The following KEAP1 variants were observed in gnomAD, a reference collection of about 807,000 sequenced individuals.
KEAP1 encodes the protein kelch like ECH associated protein 1, also known as kelch-like ECH-associated protein 1.
KEAP1 carries 26 observed loss-of-function variants against 59.7 expected under a neutral mutation model. The ratio of observed to expected loss-of-function variants is 0.44; its 90% CI spans 0.32 to 0.60. KEAP1 has a LOEUF of 0.60. Ranked by LOEUF, KEAP1 falls within the 20% of genes least tolerant of loss-of-function variation. The probability of loss-of-function intolerance (pLI) is 0.06; values close to 1 mark genes in which losing one functional copy is unlikely to be tolerated. For missense variants in KEAP1, 539 were observed against 871.4 expected (o/e 0.62, Z 4.80); for synonymous variants, 350 against 358.3 (o/e 0.98, Z 0.26).
chr19:10,489,919 G>A, intron 3 of KEAP1, 66 bp from the exon 4 acceptor site: 3 of 1,425,886 alleles, frequency 2.1e-6, no homozygotes, highest in Non-Finnish European at 2.9e-6. Context: ...ATACTTAAGG[G>A]CCAGATACTC....
At chr19:10,489,486 G>A in intron 4 of KEAP1, 118 bp from the exon 5 acceptor site, 1 of 1,267,338 alleles carries the variant, frequency 7.9e-7, no homozygotes, top group Non-Finnish European at 1.1e-6. Flanking sequence ...CAGAAATGAA[G>A]CGGGGAGAGA....
At chr19:10,498,839 A>ATT (rs35169125) in intron 2 of KEAP1, among the ~76,000 whole-genome samples, 48 of 145,502 alleles carry the variant, frequency 3.3e-4, no homozygotes, top group East Asian at 2.4e-3. Context: ...TTGTTTTTTA[A>ATT]TTTTTTTTTT....
intron 2 of KEAP1, among the ~76,000 whole-genome samples, chr19:10,493,192 T>C (rs1316931125): frequency 3.3e-5 from 5 of 150,082 alleles, no homozygotes; most frequent in Middle Eastern, 3.4e-3. Context: ...ACAGTCTTGC[T>C]CTGTCGCCCA....
At position 10,491,644 on chromosome 19, in the gene KEAP1, C is replaced by G. The variant is rs1199464053; in HGVS notation, c.1258G>C (p.Val420Leu). 3.8e-6 allele frequency: 6 copies of G among 1,594,038 alleles called. No individual in the cohort carries two copies. The Admixed American group carries it at 1.1e-4, about 28-fold the overall frequency. ...SVPRNRIGVG[V>L]IDGHIYAVGG... ...ACGGCATAGATGTGGCCATCGATGA[C>G]CCCCACCCCGATGCGGTTACGGGGC... Residue 420 changes from valine (V) to leucine (L), a missense_variant, in exon 3 of 6, where the codon GTC becomes CTC. Coordinates refer to ENST00000171111, the MANE Select transcript of KEAP1 (RefSeq NM_203500.2). This position sits in a 1 kb window ranked among gnomAD's most constrained non-coding sequence, Gnocchi z 5.2.
At chr19:10,488,600 G>C (rs1914551239) in intron 5 of KEAP1, among the ~76,000 whole-genome samples, 1 of 140,768 alleles carries the variant, frequency 7.1e-6, no homozygotes, top group Admixed American at 7.3e-5. Context: ...AACAGACTGA[G>C]ACTCTGTCTC....
chr19:10,499,897 T>C lies in KEAP1; in HGVS notation c.137A>G (p.Gln46Arg), dbSNP rs1458274178. The change falls in exon 2 of 6, where the codon CAG (glutamine) becomes CGG (arginine). Residue 46 changes from glutamine (Q) to arginine (R), a missense_variant. Coordinates refer to ENST00000171111, the MANE Select transcript of KEAP1 (RefSeq NM_203500.2). This position sits in a 1 kb window ranked among gnomAD's most constrained non-coding sequence, Gnocchi z 6.7. ...GTAGCTGAAGGTGCGGTTGCCATGC[T>C]GGGAGGGCGTCACCTCCGCCTTGCA... ...TECKAEVTPSQHGNRTFSYTL... is the reference protein window; with the variant it reads ...TECKAEVTPSRHGNRTFSYTL... 1 of 1,613,376 alleles carries C rather than the reference T, an allele frequency of 6.2e-7. No individual in the cohort carries two copies. The highest frequency in any genetic ancestry group is 2.2e-5 in the East Asian group (1 of 44,866).
At chr19:10,490,025 G>A (rs920016894) in intron 3 of KEAP1, among the ~76,000 whole-genome samples, 172 bp from the exon 4 acceptor site, 28 of 152,024 alleles carry the variant, frequency 1.8e-4, no homozygotes, top group African/African-American at 6.5e-4. Context: ...GCCGAGGAGG[G>A]CGGATCACCT....
At position 10,492,281 on chromosome 19, in the gene KEAP1, G is replaced by A. The variant is rs139922175; in HGVS notation, c.640-19C>T. The A allele has an allele frequency of 4.0e-4, 633 of 1,593,006 alleles. 4 individuals carry two copies. The African/African-American group carries it at 7.8e-3, about 20-fold the overall frequency. Reference sequence around the variant, plus strand: ...TGGCCACCTGCAGAGGGCGACAGTGGGACGGGCTGACTCTCCAGTCACCCC... The same window carrying A: ...TGGCCACCTGCAGAGGGCGACAGTGAGACGGGCTGACTCTCCAGTCACCCC... On this transcript the variant is annotated intron_variant, in intron 2 of 5. Transcript: ENST00000171111.
chr19:10,488,608 C>T, intron 5 of KEAP1, among the ~76,000 whole-genome samples: 1 of 135,946 alleles, frequency 7.4e-6, no homozygotes. Context: ...GAGACTCTGT[C>T]TCAAAAAACA....
intron 2 of KEAP1, among the ~76,000 whole-genome samples, chr19:10,493,828 TG>T (rs1914762128): frequency 6.6e-6 from 1 of 152,076 alleles, no homozygotes; most frequent in South Asian, 2.1e-4. Flanking sequence ...CCCAAAGTGC[TG>T]GGATTACAAG....
intron 2 of KEAP1, among the ~76,000 whole-genome samples, chr19:10,495,260 C>T (rs1254850442): frequency 6.6e-6 from 1 of 152,110 alleles, no homozygotes; most frequent in Non-Finnish European, 1.5e-5. Flanking sequence ...GATTCTCCTG[C>T]CTCAGCCTCC....
rs754034587 is a variant in KEAP1, at chr19:10,491,275, C to T, written c.1325+302G>A. Reference sequence around the variant, plus strand: ...TCCTCCCACCTCAGCCTCCCAAAGTCCCTGATTATAGGTATGGGCCACAGT... The same window carrying T: ...TCCTCCCACCTCAGCCTCCCAAAGTTCCTGATTATAGGTATGGGCCACAGT... On this transcript the variant is annotated intron_variant, in intron 3 of 5. Coordinates refer to ENST00000171111, the MANE Select transcript of KEAP1 (RefSeq NM_203500.2). This position sits in a 1 kb window ranked among gnomAD's most constrained non-coding sequence, Gnocchi z 5.2. 1.4e-4 allele frequency among the ~76,000 whole-genome samples: 22 copies of T among 152,090 alleles called. No homozygotes were observed. Among genetic ancestry groups the T allele is most frequent in the Non-Finnish European group, 2.1e-4 (14 of 68,018 alleles).
rs530101257 is a variant in KEAP1 at position 10,489,532 on chromosome 19, G to A, written c.1531+116C>T. ...GACTCTATCAGAATCCAGGGCTTCTGTGGTTACCCCAGCATGAGGGTTGCA... is the reference window on the plus strand; with the variant it reads ...GACTCTATCAGAATCCAGGGCTTCTATGGTTACCCCAGCATGAGGGTTGCA... On this transcript the variant is annotated intron_variant, in intron 4 of 5. Transcript: ENST00000171111. 1.1e-5 allele frequency: 15 copies of A among 1,316,134 alleles called. No homozygotes were observed. In the South Asian group the frequency reaches 2.0e-4, roughly 18 times the overall value. The allele number at this position is 1,316,134 out of a possible 1,614,324, so 81.5% of individuals were successfully genotyped here.
At chr19:10,487,223 G>A (rs551974273) in intron 5 of KEAP1, among the ~76,000 whole-genome samples, 1 of 152,140 alleles carries the variant, frequency 6.6e-6, no homozygotes, top group East Asian at 1.9e-4. Flanking sequence ...GTGCGCGCCT[G>A]TAGTCCTAGC....
In KEAP1 at chr19:10,499,431, C is replaced by T. The variant is rs768965689; in HGVS notation, c.603G>A (p.Gln201=). 1.2e-6 allele frequency: 2 copies of T among 1,613,202 alleles called. No homozygotes were observed. The highest frequency in any genetic ancestry group is 4.5e-5 in the East Asian group (2 of 44,874). ...AEQIGCVELH[Q]RAREYIYMHF... ...GCATGTAGATGTACTCCCGGGCACG[C>T]TGGTGCAACTCCACACAGCCAATCT... The change falls in exon 2 of 6, where the codon CAG becomes CAA. Residue 201 remains glutamine, a synonymous_variant. Coordinates refer to ENST00000171111, the MANE Select transcript of KEAP1 (RefSeq NM_203500.2). The surrounding 1 kb of genome is among the most constrained non-coding windows in gnomAD (Gnocchi z 6.7).
intron 5 of KEAP1, 87 bp downstream of exon 5, chr19:10,489,094 TAAAAAAAAAAA>T (rs33966407): frequency 9.4e-5 from 40 of 425,416 alleles, no homozygotes; most frequent in Non-Finnish European, 1.2e-4. Context: ...ACCTTGTTTC[TAAAAAAAAAAA>T]AAAAAAAAAA....
At chr19:10,487,396 C>T (rs984306609) in intron 5 of KEAP1, among the ~76,000 whole-genome samples, 22 of 152,162 alleles carry the variant, frequency 1.4e-4, no homozygotes, top group Non-Finnish European at 2.9e-4. Context: ...GTGGCTCATG[C>T]CTGCAATCCC....
Position 10,492,112 on chromosome 19 carries a change from C to G in KEAP1, c.790G>C (p.Val264Leu), listed in dbSNP as rs755995530. Residue 264 changes from valine to leucine, a missense_variant, in exon 3 of 6, where the codon GTC becomes CTC. Around this residue, in one of 4 missense-constraint regions of KEAP1, gnomAD observed 61 missense variants for 129.9 expected, o/e 0.47. Coordinates refer to ENST00000171111, the MANE Select transcript of KEAP1 (RefSeq NM_203500.2). ...CGCACGGCCCGCAGCAGCGCCTGGA[C>G]GTAGAACCGTCGCTGTTCGCAGTCG... ...KYDCEQRRFY[V>L]QALLRAVRCH... The G allele has an allele frequency of 6.2e-7, 1 of 1,613,896 alleles. No homozygotes were observed. Among genetic ancestry groups the G allele is most frequent in the Non-Finnish European group, 8.5e-7 (1 of 1,180,038 alleles).
In KEAP1 at chr19:10,499,293, TCCAG is replaced by T; in HGVS notation, c.639+98_639+101del. The T allele has an allele frequency of 1.8e-6, 2 of 1,129,372 alleles. No homozygotes were observed. Among genetic ancestry groups the T allele is most frequent in the Admixed American group, 4.6e-5 (2 of 43,532 alleles). 70.0% of individuals were successfully genotyped at this position (1,129,372 alleles called of 1,614,324 possible). The stretch of plus-strand genomic sequence containing the variant: ...TACCCAGCCCAGAACCTCCTTTTTC[TCCAG>T]TTTCCTGCCTTGACATCTCAAGGGG... On this transcript the variant is annotated intron_variant, in intron 2 of 5. Coordinates refer to ENST00000171111, the MANE Select transcript of KEAP1 (RefSeq NM_203500.2). The surrounding 1 kb of genome is among the most constrained non-coding windows in gnomAD (Gnocchi z 6.7).
Sources: gnomAD v4.1 joint callset for allele counts (sites outside exome capture counted in the v4.1 genomes callset) on GRCh38, gnomAD v4.1.1 for gene constraint, gnomAD v4.1.1 regional missense constraint, Gnocchi (gnomAD v3.1) non-coding constraint, MANE v1.5 for transcripts, NCBI Gene and HGNC (gene_info 2026-07-23, HGNC 2026-07-21) for gene names.